The following SIPA1L1 variants were observed in gnomAD, a reference collection of about 807,000 sequenced individuals.
SIPA1L1 encodes signal induced proliferation associated 1 like 1.
Under a neutral mutation model 162.7 loss-of-function variants are expected in SIPA1L1, and 26 were observed. That is an observed-to-expected ratio of 0.16 (90% CI 0.12 to 0.22). The LOEUF (loss-of-function observed/expected upper bound fraction) is 0.22. Ranked by LOEUF, SIPA1L1 falls within the 10% of genes least tolerant of loss-of-function variation. SIPA1L1 has a pLI of 1.00. For missense variants in SIPA1L1, 1,874 were observed against 2,241.0 expected (o/e 0.84, Z 3.31); for synonymous variants, 829 against 837.4 (o/e 0.99, Z 0.17).
At chr14:71,345,358 A>G (rs1443371742) in intron 2 of SIPA1L1, among the ~76,000 whole-genome samples, 1 of 152,210 alleles carries the variant, frequency 6.6e-6, no homozygotes, top group Non-Finnish European at 1.5e-5. Context: ...GCACTGTGCC[A>G]GTCCTTTGGG....
chr14:71,391,324 C>A (rs889461752), intron 2 of SIPA1L1, among the ~76,000 whole-genome samples: 1 of 152,110 alleles, frequency 6.6e-6, no homozygotes, highest in Admixed American at 6.5e-5. Context: ...CCAGGATGGT[C>A]TCGATCTCTT....
At chr14:71,328,458 C>G (rs1457282404) in intron 2 of SIPA1L1, among the ~76,000 whole-genome samples, 1 of 152,186 alleles carries the variant, frequency 6.6e-6, no homozygotes, top group Non-Finnish European at 1.5e-5. Flanking sequence ...GTAGGTGATT[C>G]TGTTATGCTT....
intron 5 of SIPA1L1, among the ~76,000 whole-genome samples, chr14:71,591,611 C>G (rs2035404608): frequency 6.6e-6 from 1 of 152,136 alleles, no homozygotes; most frequent in South Asian, 2.1e-4. Flanking sequence ...AATATCAACT[C>G]AAGCAGGGAA....
intron 5 of SIPA1L1, among the ~76,000 whole-genome samples, chr14:71,603,920 AATATATATATATTTATAT>A (rs1279985395): frequency 7.1e-6 from 1 of 141,344 alleles, no homozygotes; most frequent in Non-Finnish European, 1.5e-5. Context: ...GATATATATA[AATATATATATATTTATAT>A]ATCTATATAT....
In SIPA1L1 at chr14:71,690,740, A is replaced by G. The variant is rs983368939; in HGVS notation, c.3374+5109A>G. On this transcript the variant is annotated intron_variant, in intron 13 of 23. Coordinates refer to ENST00000381232, the MANE Select transcript of SIPA1L1 (RefSeq NM_001386936.1). ...TGTTCCCCACTTCTTCCTCATTTTT[A>G]TTTGAATCCCACACTGTGCAATTCT... 5.3e-5 allele frequency among the ~76,000 whole-genome samples: 8 copies of G among 151,942 alleles called. No individual in the cohort carries two copies. In the East Asian group the frequency reaches 1.5e-3, roughly 29 times the overall value.
intron 10 of SIPA1L1, among the ~76,000 whole-genome samples, chr14:71,670,890 T>G (rs965380258): frequency 6.6e-6 from 1 of 152,182 alleles, no homozygotes; most frequent in Non-Finnish European, 1.5e-5. Context: ...TTTGGGATTT[T>G]GGGAGGTTTG....
rs768474470 is a variant in SIPA1L1 at position 71,634,168 on chromosome 14, A to AG, written c.1818+9934dup. ...GTAATCCCAGCACTTTGGGAGGCAG[A>AG]GGCAGGTGGATCACCTGAGGTTGGG... On this transcript the variant is annotated intron_variant, in intron 7 of 23. Transcript: ENST00000381232. Among the ~76,000 whole-genome samples, 191 of 152,168 alleles carry AG rather than the reference A, an allele frequency of 1.3e-3. 1 individual carries two copies. Among genetic ancestry groups the AG allele is most frequent in the Non-Finnish European group, 2.2e-3 (147 of 67,988 alleles).
chr14:71,383,972 T>C (rs1265770181), intron 2 of SIPA1L1, among the ~76,000 whole-genome samples: 1 of 152,200 alleles, frequency 6.6e-6, no homozygotes, highest in East Asian at 1.9e-4. Flanking sequence ...TCTCTGGGGC[T>C]TTTTCAGTCA....
At chr14:71,437,474 T>C (rs1402572674) in intron 2 of SIPA1L1, among the ~76,000 whole-genome samples, 1 of 152,300 alleles carries the variant, frequency 6.6e-6, no homozygotes, top group East Asian at 1.9e-4. Context: ...TTCGAGGTAT[T>C]TCGGGGTGCC....
At chr14:71,679,904 C>T (rs1370915287) in intron 12 of SIPA1L1, among the ~76,000 whole-genome samples, 1 of 152,096 alleles carries the variant, frequency 6.6e-6, no homozygotes, top group Non-Finnish European at 1.5e-5. Flanking sequence ...ATATATGCAC[C>T]CAATACAGGA....
chr14:71,544,184 T>G (rs754557866), intron 4 of SIPA1L1, among the ~76,000 whole-genome samples: 16 of 151,314 alleles, frequency 1.1e-4, no homozygotes, highest in South Asian at 6.2e-4. Flanking sequence ...CACGTGTGTG[T>G]ATATATACAT....
intron 3 of SIPA1L1, among the ~76,000 whole-genome samples, chr14:71,525,149 T>C (rs1337512488): frequency 2.0e-5 from 3 of 151,922 alleles, no homozygotes; most frequent in Admixed American, 2.0e-4. Flanking sequence ...AATTTTTGTA[T>C]TTTTTGTAGA....
At chr14:71,595,535 G>A (rs2035932511) in intron 5 of SIPA1L1, among the ~76,000 whole-genome samples, 1 of 152,084 alleles carries the variant, frequency 6.6e-6, no homozygotes, top group Admixed American at 6.5e-5. Flanking sequence ...TGTTTCATTA[G>A]CATGATTTAT....
At chr14:71,630,265 G>A (rs1222041250) in intron 7 of SIPA1L1, among the ~76,000 whole-genome samples, 1 of 152,204 alleles carries the variant, frequency 6.6e-6, no homozygotes, top group African/African-American at 2.4e-5. Flanking sequence ...GAAATCAGTG[G>A]CATCTGTAGC....
chr14:71,731,339 C>T (rs1294100262), intron 20 of SIPA1L1, among the ~76,000 whole-genome samples: 4 of 152,146 alleles, frequency 2.6e-5, no homozygotes, highest in Non-Finnish European at 5.9e-5. Flanking sequence ...CTTAAATCTC[C>T]TTAAATAAAG....
intron 2 of SIPA1L1, among the ~76,000 whole-genome samples, chr14:71,428,774 A>G (rs1192417540): frequency 2.0e-5 from 3 of 152,244 alleles, no homozygotes; most frequent in Non-Finnish European, 4.4e-5. Flanking sequence ...TTTAGAGGGC[A>G]GGGTCCTTTT....
chr14:71,559,250 TAG>T (rs1283369174), intron 4 of SIPA1L1, among the ~76,000 whole-genome samples: 1 of 151,968 alleles, frequency 6.6e-6, no homozygotes, highest in Non-Finnish European at 1.5e-5. Context: ...GTATTTTTAG[TAG>T]AGAGGTGGTT....
At chr14:71,385,532 T>C (rs1378299181) in intron 2 of SIPA1L1, among the ~76,000 whole-genome samples, 1 of 152,182 alleles carries the variant, frequency 6.6e-6, no homozygotes, top group Non-Finnish European at 1.5e-5. Context: ...CTTCATTATA[T>C]TTAAATATTT....
chr14:71,595,451 A>G (rs2035921614), intron 5 of SIPA1L1, among the ~76,000 whole-genome samples: 1 of 152,230 alleles, frequency 6.6e-6, no homozygotes, highest in Admixed American at 6.5e-5. Context: ...TCCCAGAACC[A>G]AATTTGATGC....
Sources: allele counts gnomAD v4.1 joint callset (sites outside exome capture counted in the v4.1 genomes callset), GRCh38; gene constraint gnomAD v4.1.1; transcripts MANE v1.5; gene names NCBI Gene and HGNC (gene_info 2026-07-23, HGNC 2026-07-21).